Variants in CPNE6 observed in about 807,000 individuals in gnomAD.
The protein encoded by CPNE6 is copine-6.
Under a neutral mutation model 71.5 loss-of-function variants are expected in CPNE6, and 33 were observed. That is an observed-to-expected ratio of 0.46 (90% CI 0.35 to 0.62). CPNE6 has a LOEUF of 0.62. CPNE6 is among the 20% of genes least tolerant of loss of function. CPNE6 has a pLI of 0.00. For missense variants in CPNE6, 576 were observed against 747.3 expected (o/e 0.77, Z 2.67); for synonymous variants, 296 against 293.0 (o/e 1.01, Z -0.10).
Position 24,073,759 on chromosome 14 carries a change from G to A in CPNE6, c.348+81G>A. On this transcript the variant is annotated intron_variant, in intron 4 of 17. Transcript: ENST00000397016. The surrounding 1 kb of genome is among the most constrained non-coding windows in gnomAD (Gnocchi z 5.5). Reference sequence around the variant, plus strand: ...TGGAAGCCAAAAAGAGAGAAAACATGAGCTCTAGAGCTAGTTCAACCCAGC... The same window carrying A: ...TGGAAGCCAAAAAGAGAGAAAACATAAGCTCTAGAGCTAGTTCAACCCAGC... 1.4e-6 allele frequency: 2 copies of A among 1,438,346 alleles called. No individual in the cohort carries two copies. The highest frequency in any genetic ancestry group is 1.9e-6 in the Non-Finnish European group (2 of 1,060,868). 89.1% of individuals were successfully genotyped at this position (1,438,346 alleles called of 1,614,324 possible).
intron 2 of CPNE6, chr14:24,072,705 G>C (rs545277362): frequency 3.0e-5 from 12 of 402,742 alleles, no homozygotes; most frequent in African/African-American, 2.5e-4. Flanking sequence ...CCCCATCCAC[G>C]CATACCTAGG....
At position 24,073,446 on chromosome 14, in the gene CPNE6, A is replaced by G; in HGVS notation, c.169-53A>G. 1 of 1,578,596 alleles carries G rather than the reference A, an allele frequency of 6.3e-7. No homozygotes were observed. The highest frequency in any genetic ancestry group is 8.6e-7 in the Non-Finnish European group (1 of 1,160,440). On this transcript the variant is annotated intron_variant, in intron 3 of 17. Transcript: ENST00000397016. This position sits in a 1 kb window ranked among gnomAD's most constrained non-coding sequence, Gnocchi z 5.5. ...TGACTAGGGCAGTCCAGGACAGGGA[A>G]AAGTATCCTCGGTTCCCAGACAGCC...
chr14:24,073,130 A>C lies in CPNE6; in HGVS notation c.168+26A>C. 2.8e-6 allele frequency: 4 copies of C among 1,434,220 alleles called. No individual in the cohort carries two copies. Among genetic ancestry groups the C allele is most frequent in the Non-Finnish European group, 3.7e-6 (4 of 1,093,924 alleles). 88.8% of individuals were successfully genotyped at this position (1,434,220 alleles called of 1,614,324 possible). On this transcript the variant is annotated intron_variant, in intron 3 of 17. Coordinates refer to ENST00000397016, the Ensembl canonical transcript of CPNE6. The surrounding 1 kb of genome is among the most constrained non-coding windows in gnomAD (Gnocchi z 5.5). ...GTGAGAGCAGCTCAGGTTTCTCCTT[A>C]ACTAACCTGGGTTAAGCTTGGGAAA...
chr14:24,076,847 C>A (rs1277556849), intron 14 of CPNE6, 32 bp from the exon 14 acceptor site: 1 of 1,610,190 alleles, frequency 6.2e-7, no homozygotes, highest in Admixed American at 1.7e-5. Context: ...CTGCTCATTT[C>A]TGCCAGCTTC....
chr14:24,073,953 C>A lies in CPNE6; in HGVS notation c.349-98C>A. The stretch of plus-strand genomic sequence containing the variant: ...CCCTAGCCCAACTCAAAGTGCCAAC[C>A]CTTGCAGACACTCAGAGCATTTATT... On this transcript the variant is annotated intron_variant, in intron 4 of 17. Transcript: ENST00000397016. The surrounding 1 kb of genome is among the most constrained non-coding windows in gnomAD (Gnocchi z 5.5). 1 of 1,187,404 alleles carries A rather than the reference C, an allele frequency of 8.4e-7. No homozygotes were observed. The highest frequency in any genetic ancestry group is 1.3e-6 in the Non-Finnish European group (1 of 797,142). The allele number at this position is 1,187,404 out of a possible 1,614,324, so 73.6% of individuals were successfully genotyped here.
chr14:24,071,500 C>CGGGGGG, intron 1 of CPNE6, 62 bp from the exon 1 acceptor site: 5 of 1,476,298 alleles, frequency 3.4e-6, no homozygotes, highest in Non-Finnish European at 3.6e-6. Context: ...GCTGGTGCTG[C>CGGGGGG]GCCCCCCCCC....
intron 1 of CPNE6, chr14:24,071,218 T>C: frequency 9.9e-7 from 1 of 1,010,798 alleles, no homozygotes; most frequent in Non-Finnish European, 1.4e-6. Flanking sequence ...CCTGTGTGTG[T>C]CAAGATATGT....
In CPNE6 at chr14:24,074,649, A is replaced by G; in HGVS notation, c.582+35A>G. ...TGGGGCTATGGGGATGAAGGGAGGG[A>G]GAGTAAAGTAAGAAGACACAGACAG... On this transcript the variant is annotated intron_variant, in intron 7 of 17. Coordinates refer to ENST00000397016, the Ensembl canonical transcript of CPNE6. This position sits in a 1 kb window ranked among gnomAD's most constrained non-coding sequence, Gnocchi z 4.5. 6.2e-7 allele frequency: 1 copy of G among 1,613,526 alleles called. No homozygotes were observed. The highest frequency in any genetic ancestry group is 1.1e-5 in the South Asian group (1 of 91,070).
chr14:24,074,199 A>T lies in CPNE6; in HGVS notation c.423+74A>T, dbSNP rs538797533. 3.1e-6 allele frequency: 5 copies of T among 1,597,348 alleles called. No homozygotes were observed. The East Asian group carries it at 1.1e-4, about 36-fold the overall frequency. ...CTGCATGGACACCTATGGTGACATC[A>T]TGCCCAGGACCACCCCCACCTAAGG... On this transcript the variant is annotated intron_variant, in intron 5 of 17. Coordinates refer to ENST00000397016, the Ensembl canonical transcript of CPNE6. The surrounding 1 kb of genome is among the most constrained non-coding windows in gnomAD (Gnocchi z 4.5).
exon 1 of CPNE6, chr14:24,070,968 TCAG>T: frequency 6.5e-7 from 1 of 1,535,302 alleles, no homozygotes; most frequent in Non-Finnish European, 8.7e-7. Context: ...GCTATGACGT[TCAG>T]CAAGGTATGT....
intron 1 of CPNE6, 131 bp from the exon 1 acceptor site, chr14:24,071,431 C>T: frequency 2.0e-6 from 3 of 1,483,298 alleles, no homozygotes; most frequent in Non-Finnish European, 2.7e-6. Context: ...GTGGCTCCCT[C>T]CCAGGCTGTG....
Position 24,073,133 on chromosome 14 carries a change from T to A in CPNE6, c.168+29T>A, listed in dbSNP as rs552856067. 2.1e-6 allele frequency: 3 copies of A among 1,426,700 alleles called. No individual in the cohort carries two copies. Among genetic ancestry groups the A allele is most frequent in the African/African-American group, 1.5e-5 (1 of 67,962 alleles). The allele number at this position is 1,426,700 out of a possible 1,614,324, so 88.4% of individuals were successfully genotyped here. On this transcript the variant is annotated intron_variant, in intron 3 of 17. Transcript: ENST00000397016. The surrounding 1 kb of genome is among the most constrained non-coding windows in gnomAD (Gnocchi z 5.5). ...AGAGCAGCTCAGGTTTCTCCTTAAC[T>A]AACCTGGGTTAAGCTTGGGAAAGAG...
rs563745388 is a variant in CPNE6 at position 24,071,415 on chromosome 14, G to A, written c.-119-112G>A. On this transcript the variant is annotated intron_variant, in intron 1 of 17. Coordinates refer to ENST00000397016, the Ensembl canonical transcript of CPNE6. ...CACCCCCAGCCTGCCCTCCTCCCCC[G>A]GTTCTGTGGCTCCCTCCCAGGCTGT... The A allele has an allele frequency of 2.0e-4, 290 of 1,453,980 alleles. 1 individual carries two copies. In the Middle Eastern group the frequency reaches 3.3e-3, roughly 16 times the overall value. 90.1% of individuals were successfully genotyped at this position (1,453,980 alleles called of 1,614,324 possible).
Position 24,077,442 on chromosome 14 carries a change from C to T in CPNE6, c.1536+52C>T. ...GAAGGACTCCTCAGCTTCTCATCCC[C>T]CCAAATCTGACCTTCGTCTTCCACC... On this transcript the variant is annotated intron_variant, in intron 16 of 17. Coordinates refer to ENST00000397016, the Ensembl canonical transcript of CPNE6. This position sits in a 1 kb window ranked among gnomAD's most constrained non-coding sequence, Gnocchi z 6.1. The T allele has an allele frequency of 1.3e-6, 2 of 1,586,608 alleles. No homozygotes were observed. Among genetic ancestry groups the T allele is most frequent in the Middle Eastern group, 1.7e-4 (1 of 6,016 alleles).
chr14:24,073,017 C>T lies in CPNE6; in HGVS notation c.81C>T (p.Ser27=). Residue 27 remains serine (S), a synonymous_variant, in exon 3 of 18, where the codon TCC becomes TCT. Transcript: ENST00000397016. This position sits in a 1 kb window ranked among gnomAD's most constrained non-coding sequence, Gnocchi z 5.5. ...CCTCTCGGGTGGAGCTGCGGGTGTC[C>T]TGCCATGGCCTCCTGGACCGGGACA... The T allele has an allele frequency of 1.3e-6, 2 of 1,579,026 alleles. No homozygotes were observed. Among genetic ancestry groups the T allele is most frequent in the Non-Finnish European group, 1.7e-6 (2 of 1,164,180 alleles).
chr14:24,072,841 A>T, intron 2 of CPNE6, 92 bp from the exon 2 acceptor site: 1 of 1,203,416 alleles, frequency 8.3e-7, no homozygotes, highest in Non-Finnish European at 1.1e-6. Context: ...GAAGGAGGTT[A>T]AGGGGTGGGG....
chr14:24,073,652 G>A lies in CPNE6; in HGVS notation c.322G>A (p.Gly108Ser), dbSNP rs772001139. The A allele has an allele frequency of 4.3e-6, 7 of 1,613,488 alleles. No homozygotes were observed. The highest frequency in any genetic ancestry group is 3.3e-5 in the Admixed American group (2 of 59,992). Reference sequence around the variant, plus strand: ...CAGCCCCCGAAATGATACCTTCCTCGGCTCTACGGAGTGCACCTTGGGCCA... The same window carrying A: ...CAGCCCCCGAAATGATACCTTCCTCAGCTCTACGGAGTGCACCTTGGGCCA... Residue 108 changes from glycine to serine, a missense_variant, in exon 4 of 18, where the codon GGC becomes AGC. Physicochemically the swap from Gly to Ser is moderately conservative, Grantham distance 56. Around this residue, in one of 4 missense-constraint regions of CPNE6, gnomAD observed 214 missense variants for 291.2 expected, o/e 0.73. Transcript: ENST00000397016. The surrounding 1 kb of genome is among the most constrained non-coding windows in gnomAD (Gnocchi z 5.5).
At position 24,075,540 on chromosome 14, in the gene CPNE6, CAAG is replaced by C. The variant is rs1173728376; in HGVS notation, c.822_824del (p.Lys274del). On this transcript the variant is annotated inframe_deletion, in exon 10 of 18. Coordinates refer to ENST00000397016, the Ensembl canonical transcript of CPNE6. The surrounding 1 kb of genome is among the most constrained non-coding windows in gnomAD (Gnocchi z 4.3). ...ACTGTATCAACCCCAAGTATCGGGA[CAAG>C]AAGAAGAATTACAAGAGCTCAGGGA... 4 of 1,612,764 alleles carry C rather than the reference CAAG, an allele frequency of 2.5e-6. No homozygotes were observed. Among genetic ancestry groups the C allele is most frequent in the South Asian group, 1.1e-5 (1 of 90,762 alleles).
chr14:24,075,575 T>A lies in CPNE6; in HGVS notation c.848T>A (p.Val283Glu). 1 of 1,610,076 alleles carries A rather than the reference T, an allele frequency of 6.2e-7. No individual in the cohort carries two copies. The highest frequency in any genetic ancestry group is 1.1e-5 in the South Asian group (1 of 90,446). The change falls in exon 10 of 18, where the codon GTG (valine) becomes GAG (glutamate). Residue 283 changes from valine to glutamate, a missense_variant. Val to Glu is a moderately radical substitution (Grantham distance 121). This residue lies in a region of CPNE6 where 214 missense variants were observed against 291.2 expected (regional missense o/e 0.73). Coordinates refer to ENST00000397016, the Ensembl canonical transcript of CPNE6. The surrounding 1 kb of genome is among the most constrained non-coding windows in gnomAD (Gnocchi z 4.3). ...AATTACAAGAGCTCAGGGACGGTAG[T>A]GCTGGCCCAGTGCACGGTAAATTTC...
Sources: allele counts gnomAD v4.1 joint callset, GRCh38; gene constraint gnomAD v4.1.1; regional missense constraint gnomAD v4.1.1; non-coding constraint Gnocchi (gnomAD v3.1); transcripts MANE v1.5; gene names NCBI Gene and HGNC (gene_info 2026-07-23, HGNC 2026-07-21).